The following SBF2 variants were observed in gnomAD, a reference collection of about 807,000 sequenced individuals.
The protein encoded by SBF2 is SET binding factor 2.
Under a neutral mutation model 225.2 loss-of-function variants are expected in SBF2, and 112 were observed. The ratio of observed to expected loss-of-function variants is 0.50; its 90% CI spans 0.43 to 0.58. The LOEUF is 0.58. SBF2 is among the 20% of genes least tolerant of loss of function. The probability of loss-of-function intolerance (pLI) is 0.00; values close to 1 mark genes in which losing one functional copy is unlikely to be tolerated. For missense variants in SBF2, 1,996 were observed against 2,206.2 expected (o/e 0.90, Z 1.91); for synonymous variants, 763 against 773.3 (o/e 0.99, Z 0.22).
chr11:10,141,028 AC>A (rs1481621960), intron 2 of SBF2, among the ~76,000 whole-genome samples: 1 of 152,218 alleles, frequency 6.6e-6, no homozygotes, highest in Non-Finnish European at 1.5e-5. Context: ...AAAAATAAAG[AC>A]AGGTAAATGA....
chr11:10,130,218 C>T lies in SBF2; in HGVS notation c.141+63684G>A, dbSNP rs191300914. Among the ~76,000 whole-genome samples, 283 of 151,794 alleles carry T rather than the reference C, an allele frequency of 1.9e-3. 2 individuals carry two copies. The highest frequency in any genetic ancestry group is 1.8e-3 in the Non-Finnish European group (119 of 67,930). On this transcript the variant is annotated intron_variant, in intron 2 of 39. Transcript: ENST00000256190. Reference sequence around the variant, plus strand: ...TCTACTAAAAATACAAACAATTAGCCGGGTGTGGTGGCGGGCACCTGTAGT... The same window carrying T: ...TCTACTAAAAATACAAACAATTAGCTGGGTGTGGTGGCGGGCACCTGTAGT...
chr11:9,802,862 T>C (rs1198061911), intron 32 of SBF2, among the ~76,000 whole-genome samples: 3 of 152,228 alleles, frequency 2.0e-5, no homozygotes, highest in African/African-American at 7.2e-5. Context: ...CAAAATAATT[T>C]GCATCACCAA....
At chr11:9,837,631 A>AGT (rs1855814463) in intron 26 of SBF2, among the ~76,000 whole-genome samples, 2 of 152,236 alleles carry the variant, frequency 1.3e-5, no homozygotes, top group Non-Finnish European at 2.9e-5. Context: ...ATATTCATAT[A>AGT]GTGACAACAA....
chr11:10,129,821 T>C (rs943255583), intron 2 of SBF2, among the ~76,000 whole-genome samples: 7 of 151,818 alleles, frequency 4.6e-5, no homozygotes, highest in Non-Finnish European at 7.4e-5. Context: ...CAGGGCAACA[T>C]AGCGAGACCC....
chr11:10,111,899 T>C (rs1952877462), intron 2 of SBF2, among the ~76,000 whole-genome samples: 1 of 152,020 alleles, frequency 6.6e-6, no homozygotes, highest in African/African-American at 2.4e-5. Flanking sequence ...AAAAATTAAC[T>C]TAGAGTTCTG....
intron 32 of SBF2, among the ~76,000 whole-genome samples, chr11:9,805,642 A>G (rs574016412): frequency 6.6e-6 from 1 of 152,186 alleles, no homozygotes; most frequent in South Asian, 2.1e-4. Context: ...TTTTCCCCCA[A>G]GACGGAGCCT....
chr11:9,919,800 A>T (rs1206639508), intron 16 of SBF2, among the ~76,000 whole-genome samples: 1 of 152,000 alleles, frequency 6.6e-6, no homozygotes, highest in African/African-American at 2.4e-5. Flanking sequence ...CTCCTCCCTT[A>T]GGCTCACTAC....
At chr11:10,084,550 T>G (rs1483343803) in intron 2 of SBF2, among the ~76,000 whole-genome samples, 2 of 152,144 alleles carry the variant, frequency 1.3e-5, no homozygotes, top group African/African-American at 2.4e-5. Context: ...AAAATGGAAC[T>G]AGCATTATAT....
At chr11:9,965,659 C>T (rs1005611050) in intron 14 of SBF2, among the ~76,000 whole-genome samples, 6 of 152,166 alleles carry the variant, frequency 3.9e-5, no homozygotes, top group Non-Finnish European at 8.8e-5. Context: ...GATCTTTGTA[C>T]TCATCACCCA....
chr11:10,252,429 A>G (rs1350914905), intron 1 of SBF2, among the ~76,000 whole-genome samples: 1 of 152,236 alleles, frequency 6.6e-6, no homozygotes, highest in Non-Finnish European at 1.5e-5. Context: ...TGTGTCTGTA[A>G]TAATAGCTAA....
intron 13 of SBF2, among the ~76,000 whole-genome samples, chr11:9,983,225 T>G (rs1947035405): frequency 1.3e-5 from 2 of 152,152 alleles, no homozygotes; most frequent in African/African-American, 4.8e-5. Context: ...GGAAACAGAC[T>G]CAGGGCTACT....
chr11:10,272,027 T>C, intron 1 of SBF2: 1 of 1,067,018 alleles, frequency 9.4e-7, no homozygotes, highest in Non-Finnish European at 1.3e-6. Context: ...CTTGAAGGCA[T>C]TCCTCAGCAA....
chr11:10,036,741 A>C (rs990983435), intron 3 of SBF2, among the ~76,000 whole-genome samples: 2 of 152,178 alleles, frequency 1.3e-5, no homozygotes, highest in African/African-American at 4.8e-5. Flanking sequence ...TCTTATATGT[A>C]ACCTTTATAA....
chr11:9,930,808 G>A (rs1255951316), intron 16 of SBF2, among the ~76,000 whole-genome samples: 1 of 152,240 alleles, frequency 6.6e-6, no homozygotes, highest in Non-Finnish European at 1.5e-5. Context: ...CACCTCACCT[G>A]CGAAGAGCAA....
In SBF2 at chr11:10,019,572, A is replaced by T. The variant is rs149033079; in HGVS notation, c.619+8880T>A. 1.9e-3 allele frequency among the ~76,000 whole-genome samples: 293 copies of T among 152,222 alleles called. 3 individuals are homozygous for T. Among genetic ancestry groups the T allele is most frequent in the African/African-American group, 6.6e-3 (275 of 41,552 alleles). On this transcript the variant is annotated intron_variant, in intron 6 of 39. Coordinates refer to ENST00000256190, the MANE Select transcript of SBF2 (RefSeq NM_030962.4). The stretch of plus-strand genomic sequence containing the variant: ...TTCTTTAAATTTTTTTTTAACCCTG[A>T]TAAGTTTGTTGTTGGGACAGACCCT...
chr11:9,853,686 T>G lies in SBF2; in HGVS notation c.2390A>C (p.Tyr797Ser). 6.2e-7 allele frequency: 1 copy of G among 1,614,040 alleles called. No homozygotes were observed. Among genetic ancestry groups the G allele is most frequent in the Non-Finnish European group, 8.5e-7 (1 of 1,179,932 alleles). Residue 797 changes from tyrosine (Y) to serine (S), a missense_variant, in exon 20 of 40, where the codon TAT (tyrosine) becomes TCT (serine). Transcript: ENST00000256190. ...NSIAGSVAES[Y>S]DTESGFEDSE... ...ATCTTCAAACCCACTCTCTGTATCA[T>G]AGCTCTCAGCTACACTTCCTGCAAT...
At chr11:10,038,929 T>C (rs1324367553) in intron 3 of SBF2, among the ~76,000 whole-genome samples, 1 of 151,896 alleles carries the variant, frequency 6.6e-6, no homozygotes, top group Non-Finnish European at 1.5e-5. Flanking sequence ...TTTAGATAAG[T>C]AATAAAAGTC....
At chr11:10,276,582 G>C (rs1565426850) in intron 1 of SBF2, among the ~76,000 whole-genome samples, 1 of 152,106 alleles carries the variant, frequency 6.6e-6, no homozygotes, top group Non-Finnish European at 1.5e-5. Flanking sequence ...CAAAAGTTTT[G>C]ATTTAAAGCC....
At chr11:9,928,115 C>G (rs1439685059) in intron 16 of SBF2, among the ~76,000 whole-genome samples, 2 of 152,052 alleles carry the variant, frequency 1.3e-5, no homozygotes, top group Non-Finnish European at 2.9e-5. Context: ...ATAAACTGGA[C>G]TTTATCAAAA....
Sources: allele counts gnomAD v4.1 joint callset (sites outside exome capture counted in the v4.1 genomes callset), GRCh38; gene constraint gnomAD v4.1.1; transcripts MANE v1.5; gene names NCBI Gene and HGNC (gene_info 2026-07-23, HGNC 2026-07-21).